The following EPHA6 variants were observed in gnomAD, a reference collection of about 807,000 sequenced individuals.
EPHA6 encodes the protein EPH receptor A6.
EPHA6 carries 50 observed loss-of-function variants against 112.0 expected under a neutral mutation model. The ratio of observed to expected loss-of-function variants is 0.45; its 90% CI spans 0.36 to 0.56. EPHA6 has a LOEUF of 0.56. Among genes scored for constraint, EPHA6 ranks in the 20% least tolerant of loss-of-function variants. The pLI, the probability that EPHA6 is intolerant of heterozygous loss-of-function variation, is 0.00. For synonymous variants in EPHA6, 529 were observed against 490.7 expected (o/e 1.08, Z -1.03); for missense variants, 1,280 against 1,417.4 (o/e 0.90, Z 1.56).
chr3:97,387,421 T>G (rs1312388708), intron 5 of EPHA6, among the ~76,000 whole-genome samples: 1 of 151,164 alleles, frequency 6.6e-6, no homozygotes, highest in Non-Finnish European at 1.5e-5. Context: ...CAAATACCCC[T>G]AAATCATTTC....
chr3:96,896,687 A>G lies in EPHA6; in HGVS notation c.450+29798A>G, dbSNP rs188988295. Among the ~76,000 whole-genome samples, 286 of 152,232 alleles carry G rather than the reference A, an allele frequency of 1.9e-3. 1 individual carries two copies. Among genetic ancestry groups the G allele is most frequent in the Non-Finnish European group, 2.7e-3 (182 of 68,002 alleles). On this transcript the variant is annotated intron_variant, in intron 2 of 17. Coordinates refer to ENST00000389672, the MANE Select transcript of EPHA6 (RefSeq NM_001080448.3). ...TGATTTTTGAGTTCTACTACATTTT[A>G]TCATTTTCCTATCTTGGGAAGGAAG...
At chr3:97,378,758 T>C (rs2085532375) in intron 5 of EPHA6, among the ~76,000 whole-genome samples, 1 of 152,184 alleles carries the variant, frequency 6.6e-6, no homozygotes, top group Non-Finnish European at 1.5e-5. Flanking sequence ...CCATTTGTTT[T>C]GGCCAATTTC....
At chr3:96,963,500 G>C (rs2042017855) in intron 2 of EPHA6, among the ~76,000 whole-genome samples, 1 of 151,964 alleles carries the variant, frequency 6.6e-6, no homozygotes, top group South Asian at 2.1e-4. Flanking sequence ...TTTTATTTTG[G>C]AGAAATTCTC....
intron 14 of EPHA6, among the ~76,000 whole-genome samples, chr3:97,638,330 A>G (rs1006959881): frequency 7.9e-5 from 12 of 152,136 alleles, no homozygotes; most frequent in African/African-American, 2.7e-4. Flanking sequence ...CTTTAACATC[A>G]TGCTTAACGT....
chr3:97,011,307 G>A (rs913508940), intron 3 of EPHA6, among the ~76,000 whole-genome samples: 2 of 152,140 alleles, frequency 1.3e-5, no homozygotes, highest in African/African-American at 4.8e-5. Context: ...AGGCCTGGTT[G>A]GCATCATCTC....
intron 4 of EPHA6, among the ~76,000 whole-genome samples, chr3:97,226,649 G>T (rs2078364995): frequency 6.6e-6 from 1 of 152,170 alleles, no homozygotes; most frequent in African/African-American, 2.4e-5. Context: ...ATGTACAAAT[G>T]CCAGCACTGG....
intron 3 of EPHA6, among the ~76,000 whole-genome samples, chr3:97,199,209 G>A (rs888527314): frequency 6.6e-6 from 1 of 152,088 alleles, no homozygotes; most frequent in Non-Finnish European, 1.5e-5. Flanking sequence ...TTAAATTTGT[G>A]ATGAGCCACA....
intron 2 of EPHA6, among the ~76,000 whole-genome samples, chr3:96,943,233 G>A (rs1293371559): frequency 6.6e-6 from 1 of 151,764 alleles, no homozygotes; most frequent in Non-Finnish European, 1.5e-5. Flanking sequence ...CCATTCATCT[G>A]CTACCTATTG....
In EPHA6 at chr3:96,866,351, G is replaced by C. The variant is rs1294095391; in HGVS notation, c.386-474G>C. Among the ~76,000 whole-genome samples, 3 of 151,902 alleles carry C rather than the reference G, an allele frequency of 2.0e-5. No individual in the cohort carries two copies. In the East Asian group the frequency reaches 5.8e-4, roughly 29 times the overall value. ...ATAATAATGTAGTCAGTGCTTTAAA[G>C]ATTATAAGATTTTTCAAAATGAGTT... is the stretch of plus-strand genomic sequence containing the variant. On this transcript the variant is annotated intron_variant, in intron 1 of 17. Coordinates refer to ENST00000389672, the MANE Select transcript of EPHA6 (RefSeq NM_001080448.3).
At chr3:97,022,561 C>T (rs545704886) in intron 3 of EPHA6, among the ~76,000 whole-genome samples, 1 of 152,278 alleles carries the variant, frequency 6.6e-6, no homozygotes, top group East Asian at 1.9e-4. Context: ...CTTCTAGATG[C>T]CAGCTCCATC....
chr3:97,754,206 A>T lies in EPHA6; in HGVS notation c.*5505A>T, dbSNP rs2035969053. ...CAGGTTCAAGCAATTCTCCTGCCTC[A>T]GCCTCCCGAGTAGCTAGGATTACAG... On this transcript the variant is annotated 3_prime_UTR_variant, in exon 18 of 18. Coordinates refer to ENST00000389672, the MANE Select transcript of EPHA6 (RefSeq NM_001080448.3). Among the ~76,000 whole-genome samples the T allele has an allele frequency of 6.7e-6, 1 of 149,346 alleles. No homozygotes were observed. Among genetic ancestry groups the T allele is most frequent in the Admixed American group, 6.8e-5 (1 of 14,712 alleles).
At chr3:96,939,911 T>C (rs2040838511) in intron 2 of EPHA6, among the ~76,000 whole-genome samples, 1 of 152,158 alleles carries the variant, frequency 6.6e-6, no homozygotes, top group African/African-American at 2.4e-5. Context: ...AGTTGAGCGG[T>C]TTTGAGTGAG....
chr3:97,676,815 GAT>G (rs1325726163), intron 14 of EPHA6, among the ~76,000 whole-genome samples: 1 of 152,148 alleles, frequency 6.6e-6, no homozygotes, highest in African/African-American at 2.4e-5. Flanking sequence ...GGTCTCTTCA[GAT>G]AGCTTTTATT....
chr3:97,367,899 A>C lies in EPHA6; in HGVS notation c.1607-37251A>C, dbSNP rs544350915. On this transcript the variant is annotated intron_variant, in intron 5 of 17. Transcript: ENST00000389672. The stretch of plus-strand genomic sequence containing the variant: ...AAAAGTCAATACATTTAAAATATAG[A>C]AGGCCAAAAATTAAAAGTAATATAG... 9.4e-4 allele frequency among the ~76,000 whole-genome samples: 143 copies of C among 152,284 alleles called. 1 individual carries two copies. Among genetic ancestry groups the C allele is most frequent in the Admixed American group, 2.7e-3 (42 of 15,274 alleles).
chr3:97,370,954 C>A (rs2085015772), intron 5 of EPHA6, among the ~76,000 whole-genome samples: 1 of 152,080 alleles, frequency 6.6e-6, no homozygotes, highest in Non-Finnish European at 1.5e-5. Context: ...TATTATCAAT[C>A]TTCTGACTTA....
Position 97,422,579 on chromosome 3 carries a change from G to A in EPHA6, c.1731+17305G>A, listed in dbSNP as rs538948261. Among the ~76,000 whole-genome samples the A allele has an allele frequency of 6.1e-4, 93 of 152,220 alleles. 2 individuals carry two copies. In the South Asian group the frequency reaches 0.012, roughly 20 times the overall value. The stretch of plus-strand genomic sequence containing the variant: ...TTGAGACGTAAAATCAGCACTTGAC[G>A]AAATGGACCTAACAGGTATCTACAG... On this transcript the variant is annotated intron_variant, in intron 6 of 17. Transcript: ENST00000389672.
At chr3:97,555,954 A>T (rs933662294) in intron 11 of EPHA6, among the ~76,000 whole-genome samples, 1 of 151,852 alleles carries the variant, frequency 6.6e-6, no homozygotes, top group Non-Finnish European at 1.5e-5. Context: ...TGCCTTTCAT[A>T]TGCAAACCAC....
intron 1 of EPHA6, among the ~76,000 whole-genome samples, chr3:96,861,293 C>T (rs918197872): frequency 2.0e-5 from 3 of 152,048 alleles, no homozygotes; most frequent in Non-Finnish European, 1.5e-5. Flanking sequence ...TAGAGTATAA[C>T]TTGCTTTCTA....
At chr3:96,835,308 A>G (rs2034339811) in intron 1 of EPHA6, among the ~76,000 whole-genome samples, 1 of 152,122 alleles carries the variant, frequency 6.6e-6, no homozygotes, top group Admixed American at 6.6e-5. Context: ...TGATGAAAGT[A>G]TGTACAGCTT....
Sources: gnomAD v4.1 joint callset for allele counts (sites outside exome capture counted in the v4.1 genomes callset) on GRCh38, gnomAD v4.1.1 for gene constraint, MANE v1.5 for transcripts, NCBI Gene and HGNC (gene_info 2026-07-23, HGNC 2026-07-21) for gene names.